Variants in ATE1 observed in about 807,000 individuals in gnomAD.
ATE1 encodes the protein arginyltransferase 1.
ATE1 carries 36 observed loss-of-function variants against 70.5 expected under a neutral mutation model. The ratio of observed to expected loss-of-function variants is 0.51; its 90% CI spans 0.39 to 0.67. The LOEUF is 0.67. Ranked by LOEUF, ATE1 falls within the 30% of genes least tolerant of loss-of-function variation. ATE1 has a pLI of 0.00. For synonymous variants in ATE1, 232 were observed against 219.3 expected (o/e 1.06, Z -0.51); for missense variants, 593 against 629.5 (o/e 0.94, Z 0.62).
intron 4 of ATE1, among the ~76,000 whole-genome samples, chr10:121,912,782 T>C (rs918441223): frequency 6.7e-6 from 1 of 149,846 alleles, no homozygotes; most frequent in East Asian, 2.0e-4. Flanking sequence ...TCTTGCTCTG[T>C]CACCTAGGCT....
At chr10:121,864,503 T>C (rs1030778491) in intron 8 of ATE1, among the ~76,000 whole-genome samples, 1 of 152,240 alleles carries the variant, frequency 6.6e-6, no homozygotes, top group South Asian at 2.1e-4. Context: ...GGACCCCTGA[T>C]GTATGACCAT....
At chr10:121,743,985 C>T (rs1944243970) in intron 11 of ATE1, 127 bp from the exon 12 acceptor site, 1 of 1,004,912 alleles carries the variant, frequency 1.0e-6, no homozygotes, top group Non-Finnish European at 1.4e-6. Context: ...TGCAGTGGCG[C>T]TGTCTCACCT....
chr10:121,793,330 C>G (rs1469119034), intron 10 of ATE1, among the ~76,000 whole-genome samples: 1 of 152,136 alleles, frequency 6.6e-6, no homozygotes, highest in Non-Finnish European at 1.5e-5. Flanking sequence ...AATGGTGAAA[C>G]ACTTGATAAA....
intron 9 of ATE1, among the ~76,000 whole-genome samples, chr10:121,837,841 A>G (rs942968922): frequency 6.6e-6 from 1 of 152,146 alleles, no homozygotes; most frequent in African/African-American, 2.4e-5. Context: ...CACTGACACA[A>G]GCAAGCGTAA....
chr10:121,884,186 A>T (rs992204828), intron 7 of ATE1, among the ~76,000 whole-genome samples: 23 of 150,704 alleles, frequency 1.5e-4, no homozygotes, highest in African/African-American at 5.6e-4. Context: ...TACCTTAGGC[A>T]AATTAATTAA....
intron 4 of ATE1, among the ~76,000 whole-genome samples, chr10:121,911,378 GC>G (rs1190418393): frequency 1.3e-5 from 2 of 151,008 alleles, no homozygotes; most frequent in Non-Finnish European, 2.9e-5. Flanking sequence ...CAGGAGGACT[GC>G]TTGAGGCCAG....
chr10:121,888,372 C>T (rs1950473835), intron 7 of ATE1, among the ~76,000 whole-genome samples: 1 of 151,848 alleles, frequency 6.6e-6, no homozygotes, highest in African/African-American at 2.4e-5. Context: ...CCAGCCTGGG[C>T]GACAGAGCAA....
In ATE1 at chr10:121,743,730, T is replaced by C. The variant is rs541588284; in HGVS notation, c.1507A>G (p.Ser503Gly). 265 of 1,614,090 alleles carry C rather than the reference T, an allele frequency of 1.6e-4. 2 individuals carry two copies. The Middle Eastern group carries it at 3.1e-3, about 19-fold the overall frequency. ...TCGGAGCACTTCTGCCCCACCAGGC[T>C]GGCGTACTGCAGAACAGCAGCCTCC... ...SEEAAVLQYA[S>G]LVGQKCSERM... The change falls in exon 12 of 12, where the codon AGC becomes GGC. Residue 503 changes from serine to glycine, a missense_variant. Ser to Gly is a moderately conservative substitution (Grantham distance 56). Transcript: ENST00000224652.
In ATE1 at chr10:121,924,145, A is replaced by G. The variant is rs182275449; in HGVS notation, c.170+121T>C. ...AAAGGAGACAAAAAATCACTACATA[A>G]AAGAATATAATAAAAATTTTTCTTA... On this transcript the variant is annotated intron_variant, in intron 2 of 11. Transcript: ENST00000224652. 1.0e-3 allele frequency: 840 copies of G among 837,946 alleles called. 8 individuals are homozygous for G. The East Asian group carries it at 0.02, about 20-fold the overall frequency. The allele number at this position is 837,946 out of a possible 1,614,324, so 51.9% of individuals were successfully genotyped here.
intron 3 of ATE1, among the ~76,000 whole-genome samples, chr10:121,920,383 T>C (rs1201877298): frequency 6.6e-6 from 1 of 151,890 alleles, no homozygotes; most frequent in Non-Finnish European, 1.5e-5. Context: ...AAAAATGTAA[T>C]TTGCCAGGCC....
Position 121,923,208 on chromosome 10 carries a change from T to C in ATE1, c.171-797A>G, listed in dbSNP as rs534438322. Reference sequence around the variant, plus strand: ...AGTTCTGGCCAGGCATGGTGGTTCATACCTATAATCCCAACACTTTGAAAA... The same window carrying C: ...AGTTCTGGCCAGGCATGGTGGTTCACACCTATAATCCCAACACTTTGAAAA... On this transcript the variant is annotated intron_variant, in intron 2 of 11. Transcript: ENST00000224652. Among the ~76,000 whole-genome samples the C allele has an allele frequency of 7.0e-4, 107 of 152,344 alleles. No individual in the cohort carries two copies. The South Asian group carries it at 0.012, about 17-fold the overall frequency.
chr10:121,861,592 T>G (rs1949469995), intron 8 of ATE1, among the ~76,000 whole-genome samples: 1 of 40,302 alleles, frequency 2.5e-5, no homozygotes, highest in Non-Finnish European at 4.6e-5. Flanking sequence ...GGGACTGTTG[T>G]GGGGTGGCGG....
chr10:121,813,067 T>G (rs1217207769), intron 10 of ATE1, among the ~76,000 whole-genome samples: 1 of 152,200 alleles, frequency 6.6e-6, no homozygotes, highest in Non-Finnish European at 1.5e-5. Flanking sequence ...ATTTTAAAAT[T>G]TGAAATAATA....
intron 9 of ATE1, among the ~76,000 whole-genome samples, chr10:121,838,714 T>G (rs1194776663): frequency 6.6e-6 from 1 of 152,228 alleles, no homozygotes; most frequent in Non-Finnish European, 1.5e-5. Context: ...CCTGTCTTAT[T>G]CATGTCTATG....
intron 8 of ATE1, among the ~76,000 whole-genome samples, chr10:121,848,802 T>C: frequency 6.6e-6 from 1 of 151,172 alleles, no homozygotes; most frequent in East Asian, 1.9e-4. Flanking sequence ...TCCCAGCTAC[T>C]TGGGAGGCTG....
intron 7 of ATE1, among the ~76,000 whole-genome samples, chr10:121,890,243 T>A (rs1312715216): frequency 6.6e-6 from 1 of 152,188 alleles, no homozygotes; most frequent in Non-Finnish European, 1.5e-5. Context: ...AAACACTATA[T>A]CTTTTAAAAT....
At position 121,885,513 on chromosome 10, in the gene ATE1, T is replaced by C. The variant is rs562938876; in HGVS notation, c.942+14353A>G. Among the ~76,000 whole-genome samples, 13 of 131,702 alleles carry C rather than the reference T, an allele frequency of 9.9e-5. 1 individual carries two copies. The highest frequency in any genetic ancestry group is 3.8e-4 in the African/African-American group (13 of 34,008). 86.4% of individuals were successfully genotyped at this position (131,702 alleles called of 152,430 possible). On this transcript the variant is annotated intron_variant, in intron 7 of 11. Coordinates refer to ENST00000224652, the MANE Select transcript of ATE1 (RefSeq NM_001001976.3). ...TAAACCTGGGAGGTGGAGCTTGCAG[T>C]GAGCCAAGATCGCGCCATTGCACTC...
At chr10:121,849,068 A>C (rs1390192612) in intron 8 of ATE1, among the ~76,000 whole-genome samples, 1 of 151,102 alleles carries the variant, frequency 6.6e-6, no homozygotes, top group African/African-American at 2.4e-5. Flanking sequence ...AAAATTAGCC[A>C]GGCATGGTGG....
In ATE1 at chr10:121,817,525, C is replaced by T. The variant is rs139102702; in HGVS notation, c.1257+19193G>A. ...CTGCACTCCAGCCTGGGCGACAGAG[C>T]GAGACTCTGTCTCAAAAAAAAAAAA... On this transcript the variant is annotated intron_variant, in intron 10 of 11. Coordinates refer to ENST00000224652, the MANE Select transcript of ATE1 (RefSeq NM_001001976.3). 8.4e-3 allele frequency among the ~76,000 whole-genome samples: 1,038 copies of T among 123,806 alleles called. 11 individuals carry two copies. Among genetic ancestry groups the T allele is most frequent in the African/African-American group, 0.03 (974 of 32,394 alleles). The allele number at this position is 123,806 out of a possible 152,430, so 81.2% of individuals were successfully genotyped here.
Sources: allele counts gnomAD v4.1 joint callset (sites outside exome capture counted in the v4.1 genomes callset), GRCh38; gene constraint gnomAD v4.1.1; transcripts MANE v1.5; gene names NCBI Gene and HGNC (gene_info 2026-07-23, HGNC 2026-07-21).